The following SLC35F4 variants were observed in gnomAD, a reference collection of about 807,000 sequenced individuals.
The protein encoded by SLC35F4 is chromosome 14 open reading frame 36.
In SLC35F4, 24 loss-of-function variants were observed where a neutral mutation model predicts 44.2. The ratio of observed to expected loss-of-function variants is 0.54; its 90% CI spans 0.39 to 0.76. The LOEUF (loss-of-function observed/expected upper bound fraction) is 0.76. Ranked by LOEUF, SLC35F4 falls within the 30% of genes least tolerant of loss-of-function variation. The pLI is 0.00. For missense variants in SLC35F4, 562 were observed against 586.1 expected (o/e 0.96, Z 0.42); for synonymous variants, 238 against 223.6 (o/e 1.06, Z -0.57).
chr14:57,852,483 T>C (rs1015604471), intron 1 of SLC35F4, among the ~76,000 whole-genome samples: 4 of 152,194 alleles, frequency 2.6e-5, no homozygotes, highest in Non-Finnish European at 5.9e-5. Flanking sequence ...ACCAGAGGAA[T>C]GGCATGATCC....
At chr14:57,863,798 C>A (rs1202719413) in intron 1 of SLC35F4, among the ~76,000 whole-genome samples, 1 of 152,186 alleles carries the variant, frequency 6.6e-6, no homozygotes, top group African/African-American at 2.4e-5. Flanking sequence ...TCACTTAATT[C>A]TCTCTTCTTG....
chr14:57,915,618 C>T (rs1266135838), intron 1 of SLC35F4, among the ~76,000 whole-genome samples: 2 of 152,114 alleles, frequency 1.3e-5, no homozygotes, highest in Non-Finnish European at 2.9e-5. Flanking sequence ...TTCTACCTTC[C>T]ATAAAGCCCC....
At chr14:57,955,919 T>C (rs1290969023) in intron 1 of SLC35F4, among the ~76,000 whole-genome samples, 2 of 152,196 alleles carry the variant, frequency 1.3e-5, no homozygotes, top group African/African-American at 4.8e-5. Context: ...TTGACTTTCT[T>C]CATAGAATTA....
At chr14:57,611,672 C>T (rs238397) in intron 1 of SLC35F4, among the ~76,000 whole-genome samples, 102,937 of 151,780 alleles carry the variant, frequency 0.68, 35,671 homozygotes, top group Non-Finnish European at 0.75. Context: ...GAAAGAAATG[C>T]CCATTGGCTA....
chr14:57,669,512 C>T (rs185514178), intron 1 of SLC35F4, among the ~76,000 whole-genome samples: 2,259 of 152,104 alleles, frequency 0.015, 29 homozygotes, highest in Middle Eastern at 0.041. Context: ...CCCATCAATA[C>T]CTAATTTATT....
At chr14:57,655,731 G>A (rs1340230082) in intron 1 of SLC35F4, among the ~76,000 whole-genome samples, 1 of 152,072 alleles carries the variant, frequency 6.6e-6, no homozygotes, top group Non-Finnish European at 1.5e-5. Flanking sequence ...AGTTCTCATT[G>A]TCATCACCTA....
intron 1 of SLC35F4, among the ~76,000 whole-genome samples, chr14:57,881,369 T>C (rs1018331488): frequency 6.6e-6 from 1 of 152,196 alleles, no homozygotes; most frequent in African/African-American, 2.4e-5. Flanking sequence ...CAGGATTTTG[T>C]TGTGAAACAA....
intron 1 of SLC35F4, among the ~76,000 whole-genome samples, chr14:57,894,567 T>C (rs1011818074): frequency 2.6e-5 from 4 of 152,158 alleles, no homozygotes; most frequent in African/African-American, 9.6e-5. Context: ...TGTTCAACTT[T>C]GCACTGGCCT....
intron 4 of SLC35F4, among the ~76,000 whole-genome samples, chr14:57,574,161 T>G (rs1304113649): frequency 3.9e-5 from 6 of 152,194 alleles, no homozygotes; most frequent in African/African-American, 7.2e-5. Context: ...TAGGAACTCT[T>G]CCTTTTCTGA....
At chr14:57,688,864 T>A (rs142106329) in intron 1 of SLC35F4, among the ~76,000 whole-genome samples, 4 of 152,168 alleles carry the variant, frequency 2.6e-5, no homozygotes, top group African/African-American at 9.7e-5. Context: ...GTAAATTAAT[T>A]TCTGTCATTT....
At chr14:57,834,964 G>T (rs889796091) in intron 1 of SLC35F4, among the ~76,000 whole-genome samples, 1 of 152,212 alleles carries the variant, frequency 6.6e-6, no homozygotes, top group Non-Finnish European at 1.5e-5. Flanking sequence ...AGAAGGCAGA[G>T]ATTGCAGTGG....
intron 2 of SLC35F4, among the ~76,000 whole-genome samples, chr14:57,592,160 G>T (rs760100696): frequency 6.6e-6 from 1 of 152,112 alleles, no homozygotes; most frequent in Admixed American, 6.5e-5. Context: ...CCATTTCTGC[G>T]TACCTTTATC....
In SLC35F4 at chr14:57,581,450, A is replaced by AAGTT; in HGVS notation, c.588-21_588-18dup. On this transcript the variant is annotated splice_polypyrimidine_tract_variant and intron_variant, in intron 3 of 7. Coordinates refer to ENST00000556826, the MANE Select transcript of SLC35F4 (RefSeq NM_001306087.2). ...CTGCATTCCCTAGGAAAGAAAAGAG[A>AAGTT]AGTTAATATCCAGGTACTGATGGTG... is the stretch of plus-strand genomic sequence containing the variant. 1 of 1,591,792 alleles carries AAGTT rather than the reference A, an allele frequency of 6.3e-7. No individual in the cohort carries two copies. The highest frequency in any genetic ancestry group is 8.6e-7 in the Non-Finnish European group (1 of 1,168,148).
At chr14:57,575,450 C>T (rs571089236) in intron 4 of SLC35F4, among the ~76,000 whole-genome samples, 1 of 152,226 alleles carries the variant, frequency 6.6e-6, no homozygotes, top group South Asian at 2.1e-4. Flanking sequence ...CACTGCACTC[C>T]AGCCTGGGCA....
At chr14:57,799,606 A>T (rs1426148221) in intron 1 of SLC35F4, 2 of 152,698 alleles carry the variant, frequency 1.3e-5, no homozygotes, top group Non-Finnish European at 2.9e-5. Context: ...AGACCGGCGG[A>T]GCTCCTGGGG....
rs1566719513 is a variant in SLC35F4, at chr14:57,644,460, G to GT, written c.104-50337_104-50336insA. ...CATATCCTTTGCCCACTTTTTGATG[G>GT]GTTTTTTTTTTCCTTGTAAATTTGT... On this transcript the variant is annotated intron_variant, in intron 1 of 7. Transcript: ENST00000556826. Among the ~76,000 whole-genome samples the GT allele has an allele frequency of 4.4e-4, 43 of 97,146 alleles. 1 individual carries two copies. The South Asian group carries it at 8.5e-3, about 19-fold the overall frequency. 63.7% of individuals were successfully genotyped at this position (97,146 alleles called of 152,430 possible).
intron 1 of SLC35F4, among the ~76,000 whole-genome samples, chr14:57,848,220 C>T (rs1005391521): frequency 1.3e-5 from 2 of 152,164 alleles, no homozygotes; most frequent in African/African-American, 4.8e-5. Context: ...GTTTAAGGAA[C>T]ATTATGGCTT....
At chr14:57,819,051 A>T (rs1018266528) in intron 1 of SLC35F4, among the ~76,000 whole-genome samples, 7 of 152,188 alleles carry the variant, frequency 4.6e-5, no homozygotes, top group African/African-American at 1.2e-4. Flanking sequence ...ATTTAAAAAA[A>T]TTTTTTGAGG....
chr14:57,966,534 A>G (rs930630454), intron 1 of SLC35F4, among the ~76,000 whole-genome samples: 6 of 152,222 alleles, frequency 3.9e-5, no homozygotes, highest in Non-Finnish European at 1.5e-5. Flanking sequence ...AATACAGTAT[A>G]AAAGGAATAT....
Sources: gnomAD v4.1 joint callset for allele counts (sites outside exome capture counted in the v4.1 genomes callset) on GRCh38, gnomAD v4.1.1 for gene constraint, MANE v1.5 for transcripts, NCBI Gene and HGNC (gene_info 2026-07-23, HGNC 2026-07-21) for gene names.